The following ARMH3 variants were observed in gnomAD, a reference collection of about 807,000 sequenced individuals.
The protein encoded by ARMH3 is armadillo-like helical domain-containing protein 3.
In ARMH3, 60 loss-of-function variants were observed where a neutral mutation model predicts 99.1. The observed-to-expected ratio is 0.61, with a 90% confidence interval of 0.49 to 0.75. The LOEUF (loss-of-function observed/expected upper bound fraction) is 0.75. ARMH3 is among the 30% of genes least tolerant of loss of function. The probability of loss-of-function intolerance (pLI) is 0.00; values close to 1 mark genes in which losing one functional copy is unlikely to be tolerated. For synonymous variants in ARMH3, 285 were observed against 292.8 expected (o/e 0.97, Z 0.27); for missense variants, 679 against 843.1 (o/e 0.81, Z 2.41).
intron 20 of ARMH3, among the ~76,000 whole-genome samples, chr10:101,973,299 T>C (rs1215749207): frequency 4.7e-5 from 7 of 149,640 alleles, no homozygotes. Context: ...GAGGCGGAGC[T>C]TGCAGTGAAC....
intron 19 of ARMH3, among the ~76,000 whole-genome samples, chr10:101,988,644 T>G (rs1846622186): frequency 6.6e-6 from 1 of 152,150 alleles, no homozygotes; most frequent in Non-Finnish European, 1.5e-5. Flanking sequence ...GCCGGAAGGT[T>G]GGGCACAGTG....
intron 19 of ARMH3, among the ~76,000 whole-genome samples, chr10:101,977,780 C>G (rs1846073470): frequency 6.6e-6 from 1 of 152,202 alleles, no homozygotes; most frequent in South Asian, 2.1e-4. Context: ...GTCTGGCTTT[C>G]TCTCCTGAGC....
At chr10:102,030,148 TG>T (rs766772663) in intron 4 of ARMH3, among the ~76,000 whole-genome samples, 9 of 152,016 alleles carry the variant, frequency 5.9e-5, no homozygotes, top group Admixed American at 4.6e-4. Context: ...CTCCAACACC[TG>T]GGCTCCAGTG....
chr10:101,953,786 A>T (rs1256492477), intron 22 of ARMH3, among the ~76,000 whole-genome samples: 1 of 152,148 alleles, frequency 6.6e-6, no homozygotes, highest in Non-Finnish European at 1.5e-5. Context: ...GAGAGAATGT[A>T]AAATAGAACA....
intron 20 of ARMH3, among the ~76,000 whole-genome samples, chr10:101,973,679 TCA>T (rs1292948433): frequency 6.6e-6 from 1 of 151,100 alleles, no homozygotes; most frequent in Admixed American, 6.6e-5. Context: ...GCCACAGAGA[TCA>T]CAGAGGCCAG....
intron 20 of ARMH3, among the ~76,000 whole-genome samples, chr10:101,958,091 T>TC (rs1845120629): frequency 1.3e-5 from 2 of 152,160 alleles, no homozygotes; most frequent in Admixed American, 1.3e-4. Flanking sequence ...AAAATGAGGG[T>TC]CCCCCTTCCA....
chr10:101,972,553 G>C (rs1564808214), intron 20 of ARMH3, among the ~76,000 whole-genome samples: 1 of 152,204 alleles, frequency 6.6e-6, no homozygotes, highest in Non-Finnish European at 1.5e-5. Flanking sequence ...CAACATACGA[G>C]GGGTAGTGCC....
chr10:101,879,475 G>A (rs1182392359), intron 24 of ARMH3, among the ~76,000 whole-genome samples: 1 of 151,426 alleles, frequency 6.6e-6, no homozygotes, highest in South Asian at 2.1e-4. Flanking sequence ...TCAGCCTCCC[G>A]AGTAGCTGGG....
intron 2 of ARMH3, among the ~76,000 whole-genome samples, chr10:102,037,413 A>AC (rs1204064425): frequency 1.3e-5 from 2 of 151,596 alleles, no homozygotes; most frequent in African/African-American, 4.8e-5. Context: ...CAAACATCTG[A>AC]CCTCATGTGA....
chr10:101,954,556 T>G (rs930340757), intron 22 of ARMH3, among the ~76,000 whole-genome samples: 3 of 152,154 alleles, frequency 2.0e-5, no homozygotes, highest in Non-Finnish European at 4.4e-5. Context: ...CATATGAAAT[T>G]TTTTGGATAG....
chr10:101,893,396 T>C (rs993687687), intron 23 of ARMH3, among the ~76,000 whole-genome samples: 1 of 152,216 alleles, frequency 6.6e-6, no homozygotes, highest in Non-Finnish European at 1.5e-5. Context: ...AAATTTTTTT[T>C]TTAAATTCCT....
chr10:101,971,095 CAAAA>C (rs71472590), intron 20 of ARMH3, among the ~76,000 whole-genome samples: 12 of 33,282 alleles, frequency 3.6e-4, no homozygotes, highest in Non-Finnish European at 6.9e-4. Flanking sequence ...AGACCGTCTC[CAAAA>C]AAAAAAAAAA....
At chr10:101,947,816 T>TAAAA (rs1411572295) in intron 22 of ARMH3, among the ~76,000 whole-genome samples, 3 of 150,754 alleles carry the variant, frequency 2.0e-5, no homozygotes, top group Admixed American at 6.6e-5. Context: ...AATAAATAAA[T>TAAAA]AAATAAATAA....
At chr10:102,004,656 T>A (rs2066441754) in intron 14 of ARMH3, among the ~76,000 whole-genome samples, 1 of 152,186 alleles carries the variant, frequency 6.6e-6, no homozygotes, top group Admixed American at 6.5e-5. Flanking sequence ...GCTTTTGATA[T>A]CCATGGTAAC....
At chr10:101,901,014 C>T (rs1451928213) in intron 23 of ARMH3, among the ~76,000 whole-genome samples, 1 of 151,636 alleles carries the variant, frequency 6.6e-6, no homozygotes, top group East Asian at 1.9e-4. Context: ...TTTAGTGGAT[C>T]ACATGCTAGA....
intron 24 of ARMH3, among the ~76,000 whole-genome samples, 198 bp from the exon 25 acceptor site, chr10:101,850,090 CTTTTTTTTT>C (rs754571008): frequency 5.5e-5 from 5 of 91,310 alleles, no homozygotes; most frequent in South Asian, 8.5e-4. Flanking sequence ...CTCTCTCTCT[CTTTTTTTTT>C]TTTTTTTTTT....
chr10:101,897,133 G>A (rs2067857353), intron 23 of ARMH3, among the ~76,000 whole-genome samples: 1 of 152,164 alleles, frequency 6.6e-6, no homozygotes, highest in African/African-American at 2.4e-5. Context: ...TTGGGAAGAG[G>A]ATTTAAAGAA....
intron 1 of ARMH3, among the ~76,000 whole-genome samples, chr10:102,043,598 T>G (rs1015666300): frequency 6.6e-6 from 1 of 152,146 alleles, no homozygotes; most frequent in African/African-American, 2.4e-5. Context: ...GAAAGAAACA[T>G]TCTGTGACTA....
chr10:102,019,724 G>A (rs1207204145), intron 8 of ARMH3, among the ~76,000 whole-genome samples: 2 of 151,616 alleles, frequency 1.3e-5, no homozygotes, highest in Non-Finnish European at 1.5e-5. Context: ...TCAGGAGATC[G>A]AGACCATGCT....
Sources: allele counts gnomAD v4.1 joint callset (sites outside exome capture counted in the v4.1 genomes callset), GRCh38; gene constraint gnomAD v4.1.1; transcripts MANE v1.5; gene names NCBI Gene and HGNC (gene_info 2026-07-23, HGNC 2026-07-21).